DCLK1: variants seen among roughly 807,000 people sequenced by gnomAD.
DCLK1 encodes the protein doublecortin like kinase 1.
A neutral mutation model predicts 86.2 loss-of-function variants in DCLK1; 16 were observed. That is an observed-to-expected ratio of 0.19 (90% CI 0.13 to 0.28). The LOEUF (loss-of-function observed/expected upper bound fraction) is 0.28. DCLK1 is among the 10% of genes least tolerant of loss of function. The pLI is 1.00. For synonymous variants in DCLK1, 369 were observed against 370.5 expected (o/e 1.00, Z 0.05); for missense variants, 590 against 940.2 (o/e 0.63, Z 4.87).
intron 3 of DCLK1, among the ~76,000 whole-genome samples, chr13:36,093,143 C>T (rs1218528233): frequency 6.6e-6 from 1 of 152,222 alleles, no homozygotes; most frequent in Non-Finnish European, 1.5e-5. Context: ...CTTACTTCTA[C>T]ATCAAACCTT....
At chr13:36,116,193 G>A (rs575403792) in intron 2 of DCLK1, among the ~76,000 whole-genome samples, 19 of 151,744 alleles carry the variant, frequency 1.3e-4, no homozygotes, top group African/African-American at 4.1e-4. Flanking sequence ...CAAGTGATCC[G>A]CCCACCTCAG....
chr13:35,995,186 AAG>A (rs1880416397), intron 3 of DCLK1, among the ~76,000 whole-genome samples: 1 of 152,170 alleles, frequency 6.6e-6, no homozygotes, highest in African/African-American at 2.4e-5. Context: ...ATTCAATTAT[AAG>A]AGTTTTCTTT....
chr13:36,064,055 T>C (rs1352506780), intron 3 of DCLK1, among the ~76,000 whole-genome samples: 2 of 152,178 alleles, frequency 1.3e-5, no homozygotes, highest in African/African-American at 4.8e-5. Context: ...GATAAACATC[T>C]CACACTAAAA....
At position 35,811,556 on chromosome 13, in the gene DCLK1, G is replaced by A. The variant is rs146952156; in HGVS notation, c.1555-588C>T. Among the ~76,000 whole-genome samples, 247 of 152,176 alleles carry A rather than the reference G, an allele frequency of 1.6e-3. 1 individual carries two copies. Among genetic ancestry groups the A allele is most frequent in the African/African-American group, 5.7e-3 (237 of 41,532 alleles). ...TTTCAATATATTAAGAAAACTTGCC[G>A]GGAGCTGTGGCTCACGCCTGTAATC... is the stretch of plus-strand genomic sequence containing the variant. On this transcript the variant is annotated intron_variant, in intron 11 of 16. Transcript: ENST00000360631.
At chr13:36,110,481 T>C (rs1885572137) in intron 3 of DCLK1, among the ~76,000 whole-genome samples, 1 of 152,200 alleles carries the variant, frequency 6.6e-6, no homozygotes, top group Non-Finnish European at 1.5e-5. Context: ...ATGAATTTTA[T>C]AATTTAGAGC....
intron 3 of DCLK1, among the ~76,000 whole-genome samples, chr13:36,003,852 T>C (rs1456340001): frequency 6.6e-6 from 1 of 152,238 alleles, no homozygotes; most frequent in Admixed American, 6.5e-5. Context: ...TTTAATTACC[T>C]GCATTTTCTG....
intron 5 of DCLK1, among the ~76,000 whole-genome samples, chr13:35,862,480 C>T (rs1871474618): frequency 6.6e-6 from 1 of 152,134 alleles, no homozygotes; most frequent in Non-Finnish European, 1.5e-5. Flanking sequence ...TGGCCCTTGG[C>T]CTTTCATGTG....
chr13:35,897,421 C>A (rs1384011559), intron 4 of DCLK1, among the ~76,000 whole-genome samples: 1 of 152,112 alleles, frequency 6.6e-6, no homozygotes, highest in Non-Finnish European at 1.5e-5. Flanking sequence ...TGAGGTAAGA[C>A]TGGCTGGATC....
chr13:36,125,504 T>C (rs1200468654), intron 2 of DCLK1, among the ~76,000 whole-genome samples: 1 of 152,192 alleles, frequency 6.6e-6, no homozygotes, highest in East Asian at 1.9e-4. Flanking sequence ...GCAGCATGGG[T>C]ATGAGAAAGA....
chr13:35,981,510 G>C (rs538165652), intron 3 of DCLK1, among the ~76,000 whole-genome samples: 1 of 151,924 alleles, frequency 6.6e-6, no homozygotes, highest in Non-Finnish European at 1.5e-5. Flanking sequence ...AGAATCCATG[G>C]TTTACCTTAG....
At chr13:35,852,672 T>C (rs929517410) in intron 6 of DCLK1, among the ~76,000 whole-genome samples, 1 of 152,230 alleles carries the variant, frequency 6.6e-6, no homozygotes. Context: ...ATGGAAATTT[T>C]CTGCCTCAGT....
intron 3 of DCLK1, among the ~76,000 whole-genome samples, chr13:35,984,214 G>A (rs537570043): frequency 3.3e-5 from 5 of 152,302 alleles, no homozygotes; most frequent in Middle Eastern, 3.4e-3. Context: ...TCTGTCAGCC[G>A]AGGATAGGAC....
chr13:36,131,384 G>T (rs552144565), upstream of DCLK1: 5 of 195,864 alleles, frequency 2.6e-5, no homozygotes, highest in African/African-American at 9.6e-5. Flanking sequence ...GGCGGCGGCG[G>T]CGGCGGCGGC....
intron 15 of DCLK1, among the ~76,000 whole-genome samples, chr13:35,803,855 C>T (rs2086971477): frequency 6.6e-6 from 1 of 152,150 alleles, no homozygotes; most frequent in Non-Finnish European, 1.5e-5. Flanking sequence ...AATGAGCTGA[C>T]AATTTTATGA....
At chr13:35,836,232 G>A in intron 7 of DCLK1, 91 bp from the exon 8 acceptor site, 1 of 1,116,544 alleles carries the variant, frequency 9.0e-7, no homozygotes, top group Non-Finnish European at 1.3e-6. Flanking sequence ...TAATTGACTG[G>A]AATGGATTCA....
At chr13:35,948,679 G>A (rs1877510443) in intron 3 of DCLK1, among the ~76,000 whole-genome samples, 1 of 152,136 alleles carries the variant, frequency 6.6e-6, no homozygotes, top group African/African-American at 2.4e-5. Flanking sequence ...ATAATCACTT[G>A]GCCGAAGTTT....
intron 5 of DCLK1, among the ~76,000 whole-genome samples, chr13:35,867,722 G>C (rs1023265344): frequency 1.3e-5 from 2 of 151,790 alleles, no homozygotes; most frequent in African/African-American, 4.8e-5. Context: ...TACATTACCA[G>C]TTAATTATAA....
intron 3 of DCLK1, among the ~76,000 whole-genome samples, chr13:35,958,181 A>AACCACCACC (rs1171117798): frequency 9.2e-6 from 1 of 108,196 alleles, no homozygotes; most frequent in Admixed American, 8.4e-5. Context: ...TCACCACTAT[A>AACCACCACC]ACCACCACTA....
intron 4 of DCLK1, among the ~76,000 whole-genome samples, chr13:35,897,888 T>G (rs775299427): frequency 1.3e-5 from 2 of 152,334 alleles, no homozygotes; most frequent in East Asian, 1.9e-4. Context: ...TCTTAAACAT[T>G]TTAATTTTTC....
Sources: allele counts gnomAD v4.1 joint callset (sites outside exome capture counted in the v4.1 genomes callset), GRCh38; gene constraint gnomAD v4.1.1; transcripts MANE v1.5; gene names NCBI Gene and HGNC (gene_info 2026-07-23, HGNC 2026-07-21).